SASH1: variants seen among roughly 807,000 people sequenced by gnomAD.
SASH1 encodes SAM and SH3 domain containing 1, also known as SAM and SH3 domain-containing protein 1.
Under a neutral mutation model 125.2 loss-of-function variants are expected in SASH1, and 44 were observed. The ratio of observed to expected loss-of-function variants is 0.35; its 90% CI spans 0.28 to 0.45. The LOEUF (loss-of-function observed/expected upper bound fraction) is 0.45. SASH1 is among the 20% of genes least tolerant of loss of function. The pLI, the probability that SASH1 is intolerant of heterozygous loss-of-function variation, is 1.00. For missense variants in SASH1, 1,426 were observed against 1,614.5 expected (o/e 0.88, Z 2.00); for synonymous variants, 639 against 649.1 (o/e 0.98, Z 0.24).
intron 1 of SASH1, among the ~76,000 whole-genome samples, chr6:148,383,715 A>G (rs1783246857): frequency 6.6e-6 from 1 of 152,200 alleles, no homozygotes; most frequent in African/African-American, 2.4e-5. Flanking sequence ...AGAAATAACA[A>G]AAGTAACGAT....
At chr6:148,498,086 C>T (rs1314516204) in intron 8 of SASH1, among the ~76,000 whole-genome samples, 1 of 151,756 alleles carries the variant, frequency 6.6e-6, no homozygotes, top group African/African-American at 2.4e-5. Context: ...AGGCCTTCCT[C>T]GACATATCAA....
the SASH1 span, among the ~76,000 whole-genome samples, chr6:148,260,796 C>CTTTTTTTT: frequency 3.7e-4 from 39 of 104,038 alleles, no homozygotes; most frequent in African/African-American, 6.8e-4. Context: ...CCTATAAGGG[C>CTTTTTTTT]TTTTTTTTTT....
rs192253280 is a variant in SASH1 at position 148,467,349 on chromosome 6, G to A, written c.387-1196G>A. 1.1e-4 allele frequency among the ~76,000 whole-genome samples: 17 copies of A among 151,900 alleles called. 1 individual carries two copies. Among genetic ancestry groups the A allele is most frequent in the Admixed American group, 5.2e-4 (8 of 15,264 alleles). ...TGACCTCAAGTGATCTGCCCACCTC[G>A]TTCCCTTTTTGATACAACCAATTTT... is the stretch of plus-strand genomic sequence containing the variant. On this transcript the variant is annotated intron_variant, in intron 4 of 19. Transcript: ENST00000367467.
chr6:148,262,119 C>CAT, the SASH1 span, among the ~76,000 whole-genome samples: 1 of 151,944 alleles, frequency 6.6e-6, no homozygotes, highest in South Asian at 2.1e-4. Context: ...CACACACACA[C>CAT]GCACGGGCTT....
chr6:148,356,746 G>A (rs969961457), intron 1 of SASH1, among the ~76,000 whole-genome samples: 6 of 152,104 alleles, frequency 3.9e-5, no homozygotes, highest in Admixed American at 2.0e-4. Context: ...GAGCCACCAC[G>A]CCTGGCCTAC....
At chr6:148,290,234 T>A (rs1276348187) in intron 1 of SASH1, among the ~76,000 whole-genome samples, 1 of 151,904 alleles carries the variant, frequency 6.6e-6, no homozygotes, top group Admixed American at 6.6e-5. Flanking sequence ...ACCAACACCC[T>A]TTAGCCTTTA....
intron 2 of SASH1, among the ~76,000 whole-genome samples, chr6:148,420,439 T>A (rs1785010877): frequency 6.6e-6 from 1 of 152,196 alleles, no homozygotes. Flanking sequence ...GACATACATA[T>A]CTGTTCTGTA....
chr6:148,277,064 C>T (rs1779205247), intron 1 of SASH1, among the ~76,000 whole-genome samples: 1 of 152,112 alleles, frequency 6.6e-6, no homozygotes. Context: ...CATAAAAATC[C>T]CTATTTTACT....
intron 1 of SASH1, among the ~76,000 whole-genome samples, chr6:148,368,770 G>GCACGCGCGCACA (rs1554245333): frequency 7.4e-6 from 1 of 135,638 alleles, no homozygotes; most frequent in Non-Finnish European, 1.6e-5. Flanking sequence ...GCACGCGCGC[G>GCACGCGCGCACA]CACACACACA....
At chr6:148,270,995 C>T (rs999666594), upstream of SASH1, among the ~76,000 whole-genome samples, 6 of 151,912 alleles carry the variant, frequency 3.9e-5, no homozygotes, top group Admixed American at 2.0e-4. Context: ...CTGCAACCTC[C>T]GCCTCTTGGG....
At chr6:148,233,451 G>A in the SASH1 span, among the ~76,000 whole-genome samples, 6 of 151,720 alleles carry the variant, frequency 4.0e-5, no homozygotes, top group African/African-American at 7.3e-5. Flanking sequence ...TCTTTCATAC[G>A]TTCATATCGT....
intron 8 of SASH1, among the ~76,000 whole-genome samples, chr6:148,509,716 C>A (rs1562468547): frequency 6.6e-6 from 1 of 152,326 alleles, no homozygotes; most frequent in East Asian, 1.9e-4. Flanking sequence ...CTGTTACCGA[C>A]CAGCAGTGAC....
At chr6:148,284,122 T>C (rs1779420705) in intron 1 of SASH1, among the ~76,000 whole-genome samples, 2 of 152,078 alleles carry the variant, frequency 1.3e-5, no homozygotes, top group African/African-American at 2.4e-5. Context: ...GCAGGCTAAA[T>C]TTTACAATTT....
At chr6:148,404,585 C>T (rs1336262160) in intron 2 of SASH1, among the ~76,000 whole-genome samples, 4 of 131,362 alleles carry the variant, frequency 3.0e-5, no homozygotes, top group Non-Finnish European at 4.9e-5. Context: ...CCAACCCCCA[C>T]CACCTGCCCC....
At chr6:148,312,746 G>T (rs141351111) in intron 1 of SASH1, among the ~76,000 whole-genome samples, 1 of 152,082 alleles carries the variant, frequency 6.6e-6, no homozygotes, top group African/African-American at 2.4e-5. Flanking sequence ...TTTACTCTAC[G>T]CTAGGTTTTA....
intron 4 of SASH1, among the ~76,000 whole-genome samples, chr6:148,449,165 G>A (rs1423956140): frequency 6.8e-6 from 1 of 147,732 alleles, no homozygotes; most frequent in African/African-American, 2.5e-5. Context: ...TGCCTTCTGG[G>A]TTCAAGTGAT....
chr6:148,322,413 G>A (rs1479531044), intron 1 of SASH1, among the ~76,000 whole-genome samples: 3 of 152,080 alleles, frequency 2.0e-5, no homozygotes, highest in Admixed American at 2.0e-4. Flanking sequence ...TCTCTACATA[G>A]TTCTTTTCGG....
intron 4 of SASH1, among the ~76,000 whole-genome samples, chr6:148,444,594 G>T (rs1776696728): frequency 6.6e-6 from 1 of 152,146 alleles, no homozygotes; most frequent in African/African-American, 2.4e-5. Flanking sequence ...ACACTATCTG[G>T]TCTCTCCATA....
At chr6:148,496,735 T>A (rs1779325611) in intron 8 of SASH1, among the ~76,000 whole-genome samples, 1 of 152,126 alleles carries the variant, frequency 6.6e-6, no homozygotes, top group Non-Finnish European at 1.5e-5. Flanking sequence ...TAGCCGGGCA[T>A]GGTGGCACAC....
Sources: gnomAD v4.1 joint callset for allele counts (sites outside exome capture counted in the v4.1 genomes callset) on GRCh38, gnomAD v4.1.1 for gene constraint, MANE v1.5 for transcripts, NCBI Gene and HGNC (gene_info 2026-07-23, HGNC 2026-07-21) for gene names.